The following CDC42EP1 variants were observed in gnomAD, a reference collection of about 807,000 sequenced individuals.
CDC42EP1 encodes CDC42 effector protein 1, also known as 55 kDa bone marrow stromal/endothelial cell protein.
A neutral mutation model predicts 7.4 loss-of-function variants in CDC42EP1; 6 were observed. That is an observed-to-expected ratio of 0.81 (90% confidence interval 0.44 to 1.60). The LOEUF (loss-of-function observed/expected upper bound fraction) is 1.60, where lower values mean the gene tolerates loss of function less well. Ranked by LOEUF, CDC42EP1 falls within the 40% of genes most tolerant of loss-of-function variation. The probability of loss-of-function intolerance (pLI) is 0.01; values close to 1 mark genes in which losing one functional copy is unlikely to be tolerated. For synonymous variants in CDC42EP1, 238 were observed against 227.1 expected (o/e 1.05, Z -0.43); for missense variants, 567 against 539.0 (o/e 1.05, Z -0.51).
At chr22:37,561,878 A>T (rs895476690) in intron 1 of CDC42EP1, among the ~76,000 whole-genome samples, 2 of 152,092 alleles carry the variant, frequency 1.3e-5, no homozygotes, top group African/African-American at 4.8e-5. Context: ...CCTCCCCGCG[A>T]CCACATGTGC....
chr22:37,568,799 GGAT>G lies in CDC42EP1; in HGVS notation c.1161_1163del (p.Asp387del), dbSNP rs1317739343. The G allele has an allele frequency of 2.0e-6, 3 of 1,495,536 alleles. No individual in the cohort carries two copies. Among genetic ancestry groups the G allele is most frequent in the Admixed American group, 2.3e-5 (1 of 42,556 alleles). 92.6% of individuals were successfully genotyped at this position (1,495,536 alleles called of 1,614,324 possible). On this transcript the variant is annotated inframe_deletion, in exon 3 of 3. Coordinates refer to ENST00000249014, the MANE Select transcript of CDC42EP1 (RefSeq NM_152243.3). ...CCTTTGAATTTGCGGATGCTGAGGAGGATGATGAGGTCAAGGTGTGAGGGGCTG... is the reference window on the plus strand; with the variant it reads ...CCTTTGAATTTGCGGATGCTGAGGAGGATGAGGTCAAGGTGTGAGGGGCTG...
In CDC42EP1 at chr22:37,561,223, A is replaced by G. The variant is rs560490821; in HGVS notation, c.-279+635A>G. ...GGACTTCCAATCCCGGCCGCCCTCCAGATTGTTCTGCCTTTGCCCCAGCAG... is the reference window on the plus strand; with the variant it reads ...GGACTTCCAATCCCGGCCGCCCTCCGGATTGTTCTGCCTTTGCCCCAGCAG... On this transcript the variant is annotated intron_variant, in intron 1 of 2. Transcript: ENST00000249014. 2.0e-5 allele frequency among the ~76,000 whole-genome samples: 3 copies of G among 152,284 alleles called. No homozygotes were observed. The East Asian group carries it at 5.8e-4, about 29-fold the overall frequency.
intron 2 of CDC42EP1, 43 bp from the exon 3 acceptor site, chr22:37,568,065 T>G (rs1192752674): frequency 6.5e-7 from 1 of 1,536,790 alleles, no homozygotes; most frequent in Admixed American, 1.8e-5. Flanking sequence ...GAATTCCTGG[T>G]GAGGGACCCC....
chr22:37,561,449 T>G (rs922235066), intron 1 of CDC42EP1, among the ~76,000 whole-genome samples: 3 of 152,156 alleles, frequency 2.0e-5, no homozygotes, highest in African/African-American at 7.2e-5. Flanking sequence ...GCGTCTCCTT[T>G]CCACTTTCCC....
chr22:37,567,151 T>A (rs1157405989), intron 2 of CDC42EP1, among the ~76,000 whole-genome samples: 1 of 151,836 alleles, frequency 6.6e-6, no homozygotes, highest in Non-Finnish European at 1.5e-5. Flanking sequence ...CGGAATGATA[T>A]CATGGAGAGG....
chr22:37,566,727 C>G lies in CDC42EP1; in HGVS notation c.378C>G (p.Asn126Lys), dbSNP rs1925261599. Reference protein sequence around the residue: ...IKNAISLPQLNQAAYDSLVVG... With the variant: ...IKNAISLPQLKQAAYDSLVVG... ...ACGCCATCTCCCTGCCCCAGCTCAA[C>G]CAGGCCGCCTACGACAGCCTCGTGG... Residue 126 changes from asparagine to lysine, a missense_variant, in exon 2 of 3, where the codon AAC (asparagine) becomes AAG (lysine). Physicochemically the swap from Asn to Lys is moderately conservative, Grantham distance 94. Transcript: ENST00000249014. This position sits in a 1 kb window ranked among gnomAD's most constrained non-coding sequence, Gnocchi z 6.4. The G allele has an allele frequency of 6.2e-7, 1 of 1,612,480 alleles. No individual in the cohort carries two copies. The highest frequency in any genetic ancestry group is 8.5e-7 in the Non-Finnish European group (1 of 1,179,168).
intron 1 of CDC42EP1, among the ~76,000 whole-genome samples, chr22:37,562,987 T>G (rs779930435): frequency 6.6e-6 from 1 of 152,046 alleles, no homozygotes; most frequent in Non-Finnish European, 1.5e-5. Context: ...TATGTGCCTG[T>G]AGTCCCAGCT....
chr22:37,560,746 G>GCGCGGC (rs1309417182), intron 1 of CDC42EP1, among the ~76,000 whole-genome samples, 158 bp downstream of exon 1: 2 of 151,696 alleles, frequency 1.3e-5, no homozygotes, highest in East Asian at 2.0e-4. Context: ...GGAAGGCCGG[G>GCGCGGC]CGCGGCCGCG....
chr22:37,568,146 C>T lies in CDC42EP1; in HGVS notation c.502C>T (p.Arg168Cys), dbSNP rs972707593. The change falls in exon 3 of 3, where the codon CGC becomes TGC. Residue 168 changes from arginine to cysteine, a missense_variant. Physicochemically the swap from Arg to Cys is radical, Grantham distance 180. Transcript: ENST00000249014. Reference sequence around the variant, plus strand: ...GTTCTGCACCATCTCCCGCCTGCCCCGCTCGGAAAAGCCGCATGACCGAGA... The same window carrying T: ...GTTCTGCACCATCTCCCGCCTGCCCTGCTCGGAAAAGCCGCATGACCGAGA... Reference protein sequence around the residue: ...SGFCTISRLPRSEKPHDRDRD... With the variant: ...SGFCTISRLPCSEKPHDRDRD... 1.2e-5 allele frequency: 19 copies of T among 1,613,962 alleles called. No individual in the cohort carries two copies. Among genetic ancestry groups the T allele is most frequent in the African/African-American group, 8.0e-5 (6 of 75,030 alleles).
chr22:37,568,680 C>A lies in CDC42EP1; in HGVS notation c.1036C>A (p.Gln346Lys). The change falls in exon 3 of 3, where the codon CAA becomes AAA. Residue 346 changes from glutamine (Q) to lysine (K), a missense_variant. Transcript: ENST00000249014. Reference sequence around the variant, plus strand: ...GCAGGAGCGGGTGGAGGTGCTGCCCCAAGCCCGGGCCTCCTGGGAGAGCCT... The same window carrying A: ...GCAGGAGCGGGTGGAGGTGCTGCCCAAAGCCCGGGCCTCCTGGGAGAGCCT... ...ARQERVEVLP[Q>K]ARASWESLDE... The A allele has an allele frequency of 6.5e-7, 1 of 1,544,740 alleles. No homozygotes were observed. Among genetic ancestry groups the A allele is most frequent in the Non-Finnish European group, 8.7e-7 (1 of 1,145,186 alleles).
intron 1 of CDC42EP1, among the ~76,000 whole-genome samples, chr22:37,564,238 A>ATG (rs150331774): frequency 9.0e-4 from 135 of 149,264 alleles, no homozygotes; most frequent in African/African-American, 2.9e-3. Context: ...GCAGGGGAGG[A>ATG]TGTGTGTGTG....
In CDC42EP1 at chr22:37,568,573, G is replaced by A. The variant is rs2281099; in HGVS notation, c.929G>A (p.Arg310Gln). 461 of 1,603,914 alleles carry A rather than the reference G, an allele frequency of 2.9e-4. 3 individuals are homozygous for A. In the East Asian group the frequency reaches 9.7e-3, roughly 34 times the overall value. Reference sequence around the variant, plus strand: ...TCCAGCCCAGTGGGAGGGGGTCCCCGAGGACCTGCTGGCCCTGCCCTCGGC... The same window carrying A: ...TCCAGCCCAGTGGGAGGGGGTCCCCAAGGACCTGCTGGCCCTGCCCTCGGC... Reference protein sequence around the residue: ...VKSSPVGGGPRGPAGPALGRH... With the variant: ...VKSSPVGGGPQGPAGPALGRH... The change falls in exon 3 of 3, where the codon CGA (arginine) becomes CAA (glutamine). Residue 310 changes from arginine (R) to glutamine (Q), a missense_variant. Arg to Gln is a conservative substitution (Grantham distance 43, BLOSUM62 1). Coordinates refer to ENST00000249014, the MANE Select transcript of CDC42EP1 (RefSeq NM_152243.3).
In CDC42EP1 at chr22:37,566,638, C is replaced by G; in HGVS notation, c.289C>G (p.Arg97Gly). Residue 97 changes from arginine (R) to glycine (G), a missense_variant, in exon 2 of 3, where the codon CGG (arginine) becomes GGG (glycine). Arg to Gly is a moderately radical substitution (Grantham distance 125). Coordinates refer to ENST00000249014, the MANE Select transcript of CDC42EP1 (RefSeq NM_152243.3). The surrounding 1 kb of genome is among the most constrained non-coding windows in gnomAD (Gnocchi z 6.4). ...QLVRRVGAPP[R>G]RMASPPAPSP... Reference sequence around the variant, plus strand: ...GGTGCGGAGGGTGGGGGCGCCCCCCCGGAGGATGGCATCTCCCCCTGCACC... The same window carrying G: ...GGTGCGGAGGGTGGGGGCGCCCCCCGGGAGGATGGCATCTCCCCCTGCACC... 6.3e-7 allele frequency: 1 copy of G among 1,595,106 alleles called. No individual in the cohort carries two copies. Among genetic ancestry groups the G allele is most frequent in the Admixed American group, 1.7e-5 (1 of 58,504 alleles).
At chr22:37,565,338 C>G (rs1185976518) in intron 1 of CDC42EP1, among the ~76,000 whole-genome samples, 1 of 151,748 alleles carries the variant, frequency 6.6e-6, no homozygotes, top group South Asian at 2.1e-4. Context: ...CAGGCATACA[C>G]CACCACACCC....
intron 1 of CDC42EP1, among the ~76,000 whole-genome samples, chr22:37,563,042 G>A (rs1213169623): frequency 1.3e-5 from 2 of 151,934 alleles, no homozygotes; most frequent in Non-Finnish European, 2.9e-5. Context: ...CTGGGAGTTC[G>A]AGGCTGCAGT....
intron 1 of CDC42EP1, among the ~76,000 whole-genome samples, chr22:37,561,714 C>T (rs1249790064): frequency 6.6e-6 from 1 of 152,214 alleles, no homozygotes; most frequent in Non-Finnish European, 1.5e-5. Flanking sequence ...GGGGCGTCAC[C>T]CAGCTGGATG....
rs768905815 is a variant in CDC42EP1, at chr22:37,566,473, C to G, written c.124C>G (p.Leu42Val). The G allele has an allele frequency of 4.3e-6, 7 of 1,613,304 alleles. No homozygotes were observed. The highest frequency in any genetic ancestry group is 5.9e-6 in the Non-Finnish European group (7 of 1,179,670). The change falls in exon 2 of 3, where the codon CTC (leucine) becomes GTC (valine). Residue 42 changes from leucine (L) to valine (V), a missense_variant. Leu to Val is a conservative substitution (Grantham distance 32). Transcript: ENST00000249014. The surrounding 1 kb of genome is among the most constrained non-coding windows in gnomAD (Gnocchi z 6.4). ...GACTGCAGACATGATCAGCCACCCA[C>G]TCGGGGACTTCCGCCACACCATGCA... is the stretch of plus-strand genomic sequence containing the variant. ...RLTADMISHP[L>V]GDFRHTMHVG...
Position 37,568,294 on chromosome 22 carries a change from C to A in CDC42EP1, c.650C>A (p.Pro217Gln). ...GAGCTGCTAGGGGTCATGAGCCTCC[C>A]AGAAGCCCCTGCAGCTGAGACTCCA... ...LSELLGVMSL[P>Q]EAPAAETPAP... Residue 217 changes from proline (P) to glutamine (Q), a missense_variant, in exon 3 of 3, where the codon CCA becomes CAA. Coordinates refer to ENST00000249014, the MANE Select transcript of CDC42EP1 (RefSeq NM_152243.3). The A allele has an allele frequency of 6.2e-7, 1 of 1,613,140 alleles. No individual in the cohort carries two copies. Among genetic ancestry groups the A allele is most frequent in the Non-Finnish European group, 8.5e-7 (1 of 1,179,908 alleles).
In CDC42EP1 at chr22:37,568,552, G is replaced by A; in HGVS notation, c.908G>A (p.Ser303Asn). ...GLGPVAEVKS[S>N]PVGGGPRGPA... The stretch of plus-strand genomic sequence containing the variant: ...GGCCCAGTGGCTGAGGTGAAGTCCA[G>A]CCCAGTGGGAGGGGGTCCCCGAGGA... Residue 303 changes from serine to asparagine, a missense_variant, in exon 3 of 3, where the codon AGC (serine) becomes AAC (asparagine). By Grantham distance (46) the Ser-to-Asn change is conservative. Transcript: ENST00000249014. The A allele has an allele frequency of 1.2e-6, 2 of 1,608,424 alleles. No individual in the cohort carries two copies. The highest frequency in any genetic ancestry group is 1.7e-6 in the Non-Finnish European group (2 of 1,177,604).
Sources: gnomAD v4.1 joint callset for allele counts (sites outside exome capture counted in the v4.1 genomes callset) on GRCh38, gnomAD v4.1.1 for gene constraint, Gnocchi (gnomAD v3.1) non-coding constraint, MANE v1.5 for transcripts, NCBI Gene and HGNC (gene_info 2026-07-23, HGNC 2026-07-21) for gene names.